HDAC9: variants seen among roughly 807,000 people sequenced by gnomAD.
The protein encoded by HDAC9 is histone deacetylase 9, also known as MEF-2 interacting transcription repressor (MITR) protein.
Under a neutral mutation model 139.4 loss-of-function variants are expected in HDAC9, and 41 were observed. The observed-to-expected ratio is 0.29, with a 90% CI of 0.23 to 0.38. The LOEUF is 0.38. Ranked by LOEUF, HDAC9 falls within the 10% of genes least tolerant of loss-of-function variation. The pLI is 1.00. For synonymous variants in HDAC9, 517 were observed against 476.2 expected (o/e 1.09, Z -1.12); for missense variants, 1,147 against 1,297.0 (o/e 0.88, Z 1.78).
At chr7:18,387,973 C>T (rs754145708) in intron 1 of HDAC9, among the ~76,000 whole-genome samples, 5 of 151,722 alleles carry the variant, frequency 3.3e-5, no homozygotes, top group East Asian at 1.9e-4. Context: ...TTTCCATTCA[C>T]GTTAGATTGC....
At chr7:18,802,849 C>T (rs1172597570) in intron 17 of HDAC9, among the ~76,000 whole-genome samples, 1 of 151,524 alleles carries the variant, frequency 6.6e-6, no homozygotes, top group Non-Finnish European at 1.5e-5. Flanking sequence ...TTATCATTTA[C>T]CATTCCTTTA....
intron 22 of HDAC9, among the ~76,000 whole-genome samples, chr7:18,925,633 A>T (rs1370826042): frequency 1.3e-5 from 2 of 148,866 alleles, no homozygotes. Context: ...AAATTTTTTT[A>T]GTTAAATACA....
chr7:18,938,611 A>T (rs952886428), intron 23 of HDAC9, among the ~76,000 whole-genome samples: 1 of 151,066 alleles, frequency 6.6e-6, no homozygotes, highest in African/African-American at 2.5e-5. Flanking sequence ...AAATAATAAT[A>T]AAAAAAAATC....
chr7:18,349,744 CCAACAGGAATAGCA>C (rs1782710525), intron 1 of HDAC9, among the ~76,000 whole-genome samples: 1 of 151,462 alleles, frequency 6.6e-6, no homozygotes, highest in Admixed American at 6.6e-5. Context: ...ACTTTTCACG[CCAACAGGAATAGCA>C]CTATGCAGAA....
At position 18,809,673 on chromosome 7, in the gene HDAC9, A is replaced by G. The variant is rs62446636; in HGVS notation, c.2322+16221A>G. ...GGAAATGTAAATGAAAATGAAAATG[A>G]TGTACCTCACACCTGTTGGGATGGC... On this transcript the variant is annotated intron_variant, in intron 17 of 25. Coordinates refer to ENST00000686413, the MANE Select transcript of HDAC9 (RefSeq NM_178425.4). Among the ~76,000 whole-genome samples, 667 of 152,130 alleles carry G rather than the reference A, an allele frequency of 4.4e-3. 2 individuals are homozygous for G. The highest frequency in any genetic ancestry group is 6.9e-3 in the Admixed American group (105 of 15,266).
At chr7:18,614,739 A>G (rs1373391780) in intron 6 of HDAC9, among the ~76,000 whole-genome samples, 1 of 152,172 alleles carries the variant, frequency 6.6e-6, no homozygotes, top group South Asian at 2.1e-4. Flanking sequence ...AAACCATCTG[A>G]AATAGAATAA....
rs566589526 is a variant in HDAC9, at chr7:18,168,941, CTG to C, written c.25+6602_25+6603del. Reference sequence around the variant, plus strand: ...TGTGTGTGTGTGCGCGCATGTGTCTCTGTGTGTGTGTTTTAAATAGAGTTTTG... The same window carrying C: ...TGTGTGTGTGTGCGCGCATGTGTCTCTGTGTGTGTTTTAAATAGAGTTTTG... On this transcript the variant is annotated intron_variant, in intron 2 of 12. Coordinates refer to the HDAC9 transcript ENST00000417496. 3.4e-4 allele frequency among the ~76,000 whole-genome samples: 41 copies of C among 120,406 alleles called. 1 individual carries two copies. In the East Asian group the frequency reaches 8.9e-3, roughly 26 times the overall value. The allele number at this position is 120,406 out of a possible 152,430, so 79.0% of individuals were successfully genotyped here.
intron 12 of HDAC9, among the ~76,000 whole-genome samples, chr7:18,721,192 T>C (rs1307517333): frequency 1.3e-5 from 2 of 152,118 alleles, no homozygotes; most frequent in Non-Finnish European, 2.9e-5. Flanking sequence ...ATTACAACAA[T>C]GAACACTCAT....
intron 2 of HDAC9, among the ~76,000 whole-genome samples, chr7:18,210,088 C>T (rs1791831570): frequency 6.6e-6 from 1 of 151,860 alleles, no homozygotes; most frequent in Admixed American, 6.6e-5. Context: ...ATTCTGTAAA[C>T]CTTTTGTCTG....
At chr7:18,705,768 G>A (rs537388607) in intron 12 of HDAC9, among the ~76,000 whole-genome samples, 7 of 149,974 alleles carry the variant, frequency 4.7e-5, no homozygotes, top group East Asian at 4.0e-4. Flanking sequence ...CAGGAGAATC[G>A]CTTGAACCTG....
intron 2 of HDAC9, among the ~76,000 whole-genome samples, chr7:18,195,861 C>T (rs1298155748): frequency 1.3e-5 from 2 of 152,080 alleles, no homozygotes; most frequent in Non-Finnish European, 1.5e-5. Flanking sequence ...TTATGTTCAT[C>T]ATCATCCCTA....
At chr7:18,980,807 C>A (rs1360473469) in intron 25 of HDAC9, among the ~76,000 whole-genome samples, 2 of 144,986 alleles carry the variant, frequency 1.4e-5, no homozygotes, top group African/African-American at 5.1e-5. Context: ...TTCCTTCTTC[C>A]TTCTCCTCCG....
chr7:18,126,514 T>C (rs1704171988), intron 1 of HDAC9, among the ~76,000 whole-genome samples: 1 of 152,186 alleles, frequency 6.6e-6, no homozygotes, highest in African/African-American at 2.4e-5. Context: ...TAAGGAAGCA[T>C]GTGATTTGTT....
At chr7:18,181,302 T>G (rs1295653865) in intron 2 of HDAC9, among the ~76,000 whole-genome samples, 1 of 152,242 alleles carries the variant, frequency 6.6e-6, no homozygotes, top group Admixed American at 6.5e-5. Context: ...TGCCAGACAC[T>G]GTTCTAGGCA....
At chr7:18,194,095 T>A (rs1790560941) in intron 2 of HDAC9, among the ~76,000 whole-genome samples, 1 of 152,180 alleles carries the variant, frequency 6.6e-6, no homozygotes, top group Non-Finnish European at 1.5e-5. Context: ...AGAAAGGAGA[T>A]GTATAAGTAC....
intron 16 of HDAC9, among the ~76,000 whole-genome samples, chr7:18,777,794 C>G (rs551719493): frequency 1.6e-4 from 25 of 151,870 alleles, no homozygotes; most frequent in Non-Finnish European, 2.6e-4. Context: ...AGGTAAGGTG[C>G]CCTAGATTAG....
At chr7:18,441,744 T>TATAC (rs1554418715) in intron 1 of HDAC9, among the ~76,000 whole-genome samples, 7 of 151,988 alleles carry the variant, frequency 4.6e-5, no homozygotes, top group South Asian at 2.1e-4. Context: ...CATATATATA[T>TATAC]ACACACACAC....
At chr7:18,492,389 T>G (rs1796438043), upstream of HDAC9, among the ~76,000 whole-genome samples, 1 of 151,946 alleles carries the variant, frequency 6.6e-6, no homozygotes, top group African/African-American at 2.4e-5. Flanking sequence ...TAATACTTTT[T>G]TTTTGCTTAT....
rs569537442 is a variant in HDAC9, at chr7:18,215,444, A to T, written c.25+53095A>T. On this transcript the variant is annotated intron_variant, in intron 2 of 12. Transcript: ENST00000417496. ...AGTTGGTGTTCAAGAAAAGAACATG[A>T]TACATGAAAAGTGATCTTTGCCAAA... Among the ~76,000 whole-genome samples the T allele has an allele frequency of 3.3e-5, 5 of 152,316 alleles. No homozygotes were observed. In the South Asian group the frequency reaches 8.3e-4, roughly 25 times the overall value.
Sources: gnomAD v4.1 joint callset for allele counts (sites outside exome capture counted in the v4.1 genomes callset) on GRCh38, gnomAD v4.1.1 for gene constraint, MANE v1.5 for transcripts, NCBI Gene and HGNC (gene_info 2026-07-23, HGNC 2026-07-21) for gene names.